The following SNX27 variants were observed in gnomAD, a reference collection of about 807,000 sequenced individuals.
SNX27 encodes sorting nexin 27, also known as sorting nexin-27.
A neutral mutation model predicts 71.6 loss-of-function variants in SNX27; 22 were observed. The ratio of observed to expected loss-of-function variants is 0.31; its 90% confidence interval spans 0.22 to 0.44. The LOEUF (loss-of-function observed/expected upper bound fraction) is 0.44. SNX27 is among the 20% of genes least tolerant of loss of function. The pLI is 1.00. For synonymous variants in SNX27, 269 were observed against 277.2 expected (o/e 0.97, Z 0.29); for missense variants, 531 against 698.6 (o/e 0.76, Z 2.70).
At chr1:151,623,430 G>A (rs73000040) in intron 1 of SNX27, among the ~76,000 whole-genome samples, 15,059 of 151,772 alleles carry the variant, frequency 0.099, 797 homozygotes, top group South Asian at 0.12. Flanking sequence ...GTGAGCCACC[G>A]CGCCCAGTAT....
intron 1 of SNX27, among the ~76,000 whole-genome samples, chr1:151,635,656 A>G (rs956231748): frequency 6.6e-6 from 1 of 152,152 alleles, no homozygotes; most frequent in Non-Finnish European, 1.5e-5. Flanking sequence ...ACCTTATTTC[A>G]TTCTCTGAAG....
intron 2 of SNX27, among the ~76,000 whole-genome samples, chr1:151,641,129 A>T (rs1668700331): frequency 6.6e-6 from 1 of 152,152 alleles, no homozygotes; most frequent in Non-Finnish European, 1.5e-5. Flanking sequence ...GGTTGTTTGC[A>T]GTTTTGGACT....
At chr1:151,693,246 A>T in intron 10 of SNX27, 178 bp from the exon 11 acceptor site, 1 of 902,188 alleles carries the variant, frequency 1.1e-6, no homozygotes, top group Non-Finnish European at 1.7e-6. Flanking sequence ...GCTCGTAGTT[A>T]CCACTAGAAG....
chr1:151,655,235 T>G (rs1669630159), intron 2 of SNX27, among the ~76,000 whole-genome samples: 2 of 152,180 alleles, frequency 1.3e-5, no homozygotes, highest in Non-Finnish European at 2.9e-5. Context: ...TTAGCTCCAT[T>G]CCTAAAGCAT....
chr1:151,667,691 G>A (rs1670265288), intron 6 of SNX27, among the ~76,000 whole-genome samples: 1 of 151,148 alleles, frequency 6.6e-6, no homozygotes, highest in African/African-American at 2.4e-5. Context: ...GCCGGGCGTA[G>A]TGGCGGGCGC....
At chr1:151,678,192 T>C (rs1186983265) in intron 7 of SNX27, 1 of 152,232 alleles carries the variant, frequency 6.6e-6, no homozygotes. Context: ...CCACTGCTCC[T>C]GGCCCAGAAC....
intron 2 of SNX27, among the ~76,000 whole-genome samples, chr1:151,645,959 G>A (rs1348832657): frequency 6.6e-6 from 1 of 152,194 alleles, no homozygotes; most frequent in Non-Finnish European, 1.5e-5. Flanking sequence ...TCTACAGGAA[G>A]TGTATGCACT....
Position 151,612,278 on chromosome 1 carries a change from C to G in SNX27, c.77C>G (p.Ser26Cys), listed in dbSNP as rs749575988. Reference sequence around the variant, plus strand: ...GGAGGTGGCGGCGGCGGCGGGGGGTCTGGGCTCCACTGCGCCGGGAACGGC... The same window carrying G: ...GGAGGTGGCGGCGGCGGCGGGGGGTGTGGGCTCCACTGCGCCGGGAACGGC... ...RNGGGGGGGG[S>C]GLHCAGNGGG... Residue 26 changes from serine (S) to cysteine (C), a missense_variant, in exon 1 of 12, where the codon TCT (serine) becomes TGT (cysteine). Ser to Cys is a moderately radical substitution (Grantham distance 112). Coordinates refer to ENST00000458013, the MANE Select transcript of SNX27 (RefSeq NM_001330723.2). The surrounding 1 kb of genome is among the most constrained non-coding windows in gnomAD (Gnocchi z 5.2). The G allele has an allele frequency of 6.7e-7, 1 of 1,486,350 alleles. No homozygotes were observed. Among genetic ancestry groups the G allele is most frequent in the Non-Finnish European group, 8.9e-7 (1 of 1,120,404 alleles). 92.1% of individuals were successfully genotyped at this position (1,486,350 alleles called of 1,614,324 possible). A position where few individuals can be genotyped will look rare whatever the true frequency, so the allele number is the denominator to read the frequency against.
intron 2 of SNX27, among the ~76,000 whole-genome samples, chr1:151,656,779 AT>A (rs1669714010): frequency 6.6e-6 from 1 of 152,218 alleles, no homozygotes; most frequent in East Asian, 1.9e-4. Context: ...ACACAACAAA[AT>A]GCTGTATGCA....
At chr1:151,615,943 A>G (rs1274216383) in intron 1 of SNX27, 1 of 428,610 alleles carries the variant, frequency 2.3e-6, no homozygotes, top group East Asian at 1.6e-4. Context: ...ACTAAATTGG[A>G]GCCCATATGG....
intron 1 of SNX27, among the ~76,000 whole-genome samples, chr1:151,617,878 GTTTTTT>G (rs35075644): frequency 1.7e-5 from 2 of 116,388 alleles, no homozygotes; most frequent in African/African-American, 3.1e-5. Flanking sequence ...TTTTAGAGCT[GTTTTTT>G]TTTTTTTTTT....
At chr1:151,691,524 G>A (rs562486995) in intron 8 of SNX27, among the ~76,000 whole-genome samples, 2 of 143,802 alleles carry the variant, frequency 1.4e-5, no homozygotes, top group South Asian at 4.6e-4. Flanking sequence ...AGGCTGGAGT[G>A]CAGTGGCGCA....
intron 1 of SNX27, among the ~76,000 whole-genome samples, chr1:151,634,303 A>G (rs1293458377): frequency 6.6e-6 from 1 of 152,216 alleles, no homozygotes; most frequent in Non-Finnish European, 1.5e-5. Flanking sequence ...ACTTTCGTGC[A>G]TGTCACAGAG....
At chr1:151,648,297 C>G (rs1031288501) in intron 2 of SNX27, among the ~76,000 whole-genome samples, 1 of 152,048 alleles carries the variant, frequency 6.6e-6, no homozygotes, top group African/African-American at 2.4e-5. Context: ...TCAAGTGATC[C>G]GCCAGCCTTG....
chr1:151,669,723 C>G (rs1670374477), intron 7 of SNX27, among the ~76,000 whole-genome samples: 1 of 151,978 alleles, frequency 6.6e-6, no homozygotes, highest in South Asian at 2.1e-4. Flanking sequence ...AGAGCTGTTC[C>G]TCTTTTTATA....
intron 1 of SNX27, among the ~76,000 whole-genome samples, chr1:151,632,346 C>CG (rs1459721442): frequency 3.3e-5 from 5 of 151,624 alleles, no homozygotes; most frequent in Admixed American, 1.3e-4. Context: ...TTAGTAGAGA[C>CG]GGGGTTTCAC....
rs1667218570 is a variant in SNX27, at chr1:151,612,433, C to T, written c.232C>T (p.Leu78=). ...CATCAACGGGGAGCTGTACGCGCCGCTGCAGCATGTGAGCGCCGTGCTGCC... is the reference window on the plus strand; with the variant it reads ...CATCAACGGGGAGCTGTACGCGCCGTTGCAGCATGTGAGCGCCGTGCTGCC... ...RSINGELYAP[L]QHVSAVLPGG... is the part of the protein sequence containing the mutation. Residue 78 remains leucine (L), a synonymous_variant, in exon 1 of 12, where the codon CTG becomes TTG. Coordinates refer to ENST00000458013, the MANE Select transcript of SNX27 (RefSeq NM_001330723.2). The surrounding 1 kb of genome is among the most constrained non-coding windows in gnomAD (Gnocchi z 5.2). 6.8e-7 allele frequency: 1 copy of T among 1,471,110 alleles called. No individual in the cohort carries two copies. The highest frequency in any genetic ancestry group is 9.0e-7 in the Non-Finnish European group (1 of 1,112,116). The allele number at this position is 1,471,110 out of a possible 1,614,324, so 91.1% of individuals were successfully genotyped here.
rs183113136 is a variant in SNX27, at chr1:151,632,408, A to G, written c.312-6480A>G. On this transcript the variant is annotated intron_variant, in intron 1 of 11. Coordinates refer to ENST00000458013, the MANE Select transcript of SNX27 (RefSeq NM_001330723.2). ...CCTGACCTTGTGATCTGCTCACCTC[A>G]GCTTCCCAAAGTGCTGGGATTACAG... Among the ~76,000 whole-genome samples, 334 of 152,200 alleles carry G rather than the reference A, an allele frequency of 2.2e-3. 2 individuals carry two copies. The highest frequency in any genetic ancestry group is 7.7e-3 in the African/African-American group (319 of 41,540).
In SNX27 at chr1:151,668,605, T is replaced by A. The variant is rs762265704; in HGVS notation, c.1119T>A (p.Asn373Lys). 1.9e-6 allele frequency: 3 copies of A among 1,613,624 alleles called. 1 individual carries two copies. In the South Asian group the frequency reaches 3.3e-5, roughly 18 times the overall value. ...TTEEEILLND[N>K]DLAVTYFFHQ... ...AAGAAGAAATTCTCTTAAATGACAA[T>A]GACCTTGCTGTTACCTACTTCTTTC... The change falls in exon 7 of 12, where the codon AAT becomes AAA. Residue 373 changes from asparagine to lysine, a missense_variant. Physicochemically the swap from Asn to Lys is moderately conservative, Grantham distance 94. Around this residue, in one of 5 missense-constraint regions of SNX27, gnomAD observed 184 missense variants for 289.6 expected, o/e 0.64. Transcript: ENST00000458013.
Sources: allele counts gnomAD v4.1 joint callset (sites outside exome capture counted in the v4.1 genomes callset), GRCh38; gene constraint gnomAD v4.1.1; regional missense constraint gnomAD v4.1.1; non-coding constraint Gnocchi (gnomAD v3.1); transcripts MANE v1.5; gene names NCBI Gene and HGNC (gene_info 2026-07-23, HGNC 2026-07-21).